Variants in TRIP11 observed in about 807,000 individuals in gnomAD.
The protein encoded by TRIP11 is thyroid hormone receptor interactor 11.
A neutral mutation model predicts 223.1 loss-of-function variants in TRIP11; 148 were observed. The ratio of observed to expected loss-of-function variants is 0.66; its 90% CI spans 0.58 to 0.76. TRIP11 has a LOEUF of 0.76. Ranked by LOEUF, TRIP11 falls within the 30% of genes least tolerant of loss-of-function variation. The pLI, the probability that TRIP11 is intolerant of heterozygous loss-of-function variation, is 0.00. For missense variants in TRIP11, 2,043 were observed against 2,222.0 expected, an observed-to-expected ratio of 0.92 and a Z score of 1.62; for synonymous variants, 762 against 772.6, an observed-to-expected ratio of 0.99 and a Z score of 0.23.
chr14:91,971,118 G>C (rs1000783159), intron 20 of TRIP11, among the ~76,000 whole-genome samples: 2 of 152,164 alleles, frequency 1.3e-5, no homozygotes, highest in Non-Finnish European at 2.9e-5. Context: ...TAATGTCTTA[G>C]TGGACAGATT....
intron 15 of TRIP11, among the ~76,000 whole-genome samples, 188 bp downstream of exon 15, chr14:91,993,621 A>T (rs1001948331): frequency 6.6e-6 from 1 of 151,852 alleles, no homozygotes; most frequent in African/African-American, 2.4e-5. Context: ...TGCCGTGTCT[A>T]CTCTAAACTA....
At position 92,011,837 on chromosome 14, in the gene TRIP11, A is replaced by C. The variant is rs372640498; in HGVS notation, c.1187-42T>G. 6.3e-6 allele frequency: 10 copies of C among 1,582,804 alleles called. No homozygotes were observed. In the East Asian group the frequency reaches 2.0e-4, roughly 32 times the overall value. On this transcript the variant is annotated intron_variant, in intron 7 of 20. Coordinates refer to ENST00000267622, the MANE Select transcript of TRIP11 (RefSeq NM_004239.4). Reference sequence around the variant, plus strand: ...TGAACTTGACATTAAAATTATTTAGAGTAACTTATTATCTTCAATATTAAA... The same window carrying C: ...TGAACTTGACATTAAAATTATTTAGCGTAACTTATTATCTTCAATATTAAA...
chr14:92,033,160 G>T (rs2057287375), intron 2 of TRIP11, 32 bp downstream of exon 2: 3 of 1,590,270 alleles, frequency 1.9e-6, no homozygotes, highest in Non-Finnish European at 1.7e-6. Context: ...CTTCAAAAAA[G>T]AAAAATCTAA....
At chr14:92,014,905 ATTT>A (rs34892628) in intron 6 of TRIP11, among the ~76,000 whole-genome samples, 6 of 142,532 alleles carry the variant, frequency 4.2e-5, no homozygotes, top group African/African-American at 1.6e-4. Flanking sequence ...TTTTCACAGA[ATTT>A]TTTTTTTTTT....
rs1390528617 is a variant in TRIP11 at position 91,988,525 on chromosome 14, A to ATAAG, written c.5161-146_5161-143dup. 1.5e-5 allele frequency: 10 copies of ATAAG among 687,434 alleles called. No individual in the cohort carries two copies. The East Asian group carries it at 2.4e-4, about 17-fold the overall frequency. 42.6% of individuals were successfully genotyped at this position (687,434 alleles called of 1,614,324 possible). A position where few individuals can be genotyped will look rare whatever the true frequency, so the allele number is the denominator to read the frequency against. The stretch of plus-strand genomic sequence containing the variant: ...GACCTTGGGCAAATGTATCCAACCA[A>ATAAG]TAAGTATCAAAGGCAGAACCCACAT... On this transcript the variant is annotated intron_variant, in intron 15 of 20. Coordinates refer to ENST00000267622, the MANE Select transcript of TRIP11 (RefSeq NM_004239.4).
chr14:92,031,480 A>G (rs949619304), intron 2 of TRIP11, among the ~76,000 whole-genome samples: 1 of 152,176 alleles, frequency 6.6e-6, no homozygotes, highest in African/African-American at 2.4e-5. Context: ...AAGAGGCTGA[A>G]GCAGAAGGAT....
intron 2 of TRIP11, chr14:92,026,885 T>G: frequency 6.6e-7 from 1 of 1,508,320 alleles, no homozygotes; most frequent in Non-Finnish European, 9.0e-7. Flanking sequence ...CGAGGATGAC[T>G]AGACAGCAAA....
chr14:91,977,629 G>A (rs1488505541), intron 16 of TRIP11, among the ~76,000 whole-genome samples: 1 of 138,870 alleles, frequency 7.2e-6, no homozygotes, highest in Non-Finnish European at 1.5e-5. Flanking sequence ...TTTTTTTCCT[G>A]CCTGGAAAGC....
At chr14:92,021,503 A>G in intron 4 of TRIP11, 53 bp downstream of exon 4, 1 of 1,581,342 alleles carries the variant, frequency 6.3e-7, no homozygotes, top group Non-Finnish European at 8.7e-7. Flanking sequence ...TTTTTATATT[A>G]CACCAGTAAT....
rs8007661 is a variant in TRIP11 at position 91,993,614 on chromosome 14, C to T, written c.5160+195G>A. Among the ~76,000 whole-genome samples the T allele has an allele frequency of 0.52, 78,634 of 151,840 alleles. 21,517 individuals are homozygous for T. The highest frequency in any genetic ancestry group is 0.7 in the African/African-American group (28,781 of 41,402). On this transcript the variant is annotated intron_variant, in intron 15 of 20. Coordinates refer to ENST00000267622, the MANE Select transcript of TRIP11 (RefSeq NM_004239.4). ...AAATGTCCTGTCATCTTACATTTGC[C>T]GTGTCTACTCTAAACTATGACACCT...
Position 91,995,501 on chromosome 14 carries a change from A to G in TRIP11, c.4907T>C (p.Val1636Ala). ...CTGTTCTTGCAATGACTCTACCTGCACACTGGCTTGATGGCTTCAAACAAA... is the reference window on the plus strand; with the variant it reads ...CTGTTCTTGCAATGACTCTACCTGCGCACTGGCTTGATGGCTTCAAACAAA... Reference protein sequence around the residue: ...AMENASHQASVQVESLQEQLN... With the variant: ...AMENASHQASAQVESLQEQLN... The change falls in exon 14 of 21, where the codon GTG becomes GCG. Residue 1636 changes from valine (V) to alanine (A), a missense_variant. By Grantham distance (64) the Val-to-Ala change is moderately conservative. Transcript: ENST00000267622. 1 of 1,614,168 alleles carries G rather than the reference A, an allele frequency of 6.2e-7. No homozygotes were observed.
At position 91,995,475 on chromosome 14, in the gene TRIP11, A is replaced by G. The variant is rs1250135407; in HGVS notation, c.4933T>C (p.Leu1645=). Residue 1645 remains leucine, a synonymous_variant, in exon 14 of 21, where the codon TTG becomes CTG. Coordinates refer to ENST00000267622, the MANE Select transcript of TRIP11 (RefSeq NM_004239.4). ...SVQVESLQEQ[L]NVVSKQRDET... is the part of the protein sequence containing the mutation. The stretch of plus-strand genomic sequence containing the variant: ...TCCCTTTGCTTGGAAACTACATTCA[A>G]CTGTTCTTGCAATGACTCTACCTGC... The G allele has an allele frequency of 3.1e-6, 5 of 1,613,926 alleles. No individual in the cohort carries two copies. Among genetic ancestry groups the G allele is most frequent in the Non-Finnish European group, 4.2e-6 (5 of 1,180,010 alleles).
At chr14:91,972,096 G>C (rs1225438458) in intron 20 of TRIP11, among the ~76,000 whole-genome samples, 1 of 152,128 alleles carries the variant, frequency 6.6e-6, no homozygotes, top group Non-Finnish European at 1.5e-5. Context: ...TATATGATAT[G>C]AACATAAATA....
chr14:91,972,971 C>T (rs2056417587), intron 19 of TRIP11, 110 bp from the exon 20 acceptor site: 7 of 911,092 alleles, frequency 7.7e-6, no homozygotes, highest in Non-Finnish European at 1.1e-5. Context: ...AATCATGCCA[C>T]TTGAATAATT....
chr14:91,999,087 C>T (rs1236556422), intron 13 of TRIP11, among the ~76,000 whole-genome samples, 153 bp downstream of exon 13: 1 of 152,160 alleles, frequency 6.6e-6, no homozygotes, highest in African/African-American at 2.4e-5. Flanking sequence ...CTACCTTGGG[C>T]AGGTTATTTA....
At position 91,969,244 on chromosome 14, in the gene TRIP11, G is replaced by T; in HGVS notation, c.*429C>A. On this transcript the variant is annotated 3_prime_UTR_variant, in exon 21 of 21. Coordinates refer to ENST00000267622, the MANE Select transcript of TRIP11 (RefSeq NM_004239.4). ...AATATATGCTTCAAATCAACTTTCT[G>T]CACTATGCAGAGAAGCCACTACTAG... 3.5e-6 allele frequency: 1 copy of T among 285,592 alleles called. No individual in the cohort carries two copies. Among genetic ancestry groups the T allele is most frequent in the Non-Finnish European group, 6.6e-6 (1 of 150,508 alleles). 17.7% of individuals were successfully genotyped at this position (285,592 alleles called of 1,614,324 possible). A position where few individuals can be genotyped will look rare whatever the true frequency, so the allele number is the denominator to read the frequency against.
rs574247145 is a variant in TRIP11, at chr14:92,005,947, T to C, written c.2029A>G (p.Met677Val). 6.2e-7 allele frequency: 1 copy of C among 1,613,196 alleles called. No homozygotes were observed. Among genetic ancestry groups the C allele is most frequent in the Non-Finnish European group, 8.5e-7 (1 of 1,179,894 alleles). ...NLKKVAFDVK[M>V]ENEKLVLACE... ...GCTAAAACTAACTTTTCATTTTCCA[T>C]TTTGACATCAAAAGCAACTTTCTTT... The change falls in exon 11 of 21, where the codon ATG (methionine) becomes GTG (valine). Residue 677 changes from methionine to valine, a missense_variant. Physicochemically the swap from Met to Val is conservative, Grantham distance 21. Coordinates refer to ENST00000267622, the MANE Select transcript of TRIP11 (RefSeq NM_004239.4).
intron 13 of TRIP11, among the ~76,000 whole-genome samples, chr14:91,998,332 C>T (rs1327834076): frequency 6.6e-6 from 1 of 152,038 alleles, no homozygotes; most frequent in African/African-American, 2.4e-5. Flanking sequence ...AATCTGTCAT[C>T]AACACAAAAA....
intron 15 of TRIP11, among the ~76,000 whole-genome samples, chr14:91,989,646 C>A (rs1464054673): frequency 7.9e-5 from 12 of 151,830 alleles, no homozygotes; most frequent in Non-Finnish European, 1.5e-5. Context: ...AGCCTTTTTA[C>A]TGTGTCATCC....
Sources: allele counts gnomAD v4.1 joint callset (sites outside exome capture counted in the v4.1 genomes callset), GRCh38; gene constraint gnomAD v4.1.1; transcripts MANE v1.5; gene names NCBI Gene and HGNC (gene_info 2026-07-23, HGNC 2026-07-21).